Variants in SLC24A2 observed in about 807,000 individuals in gnomAD.
The protein encoded by SLC24A2 is solute carrier family 24 member 2.
In SLC24A2, 36 loss-of-function variants were observed where a neutral mutation model predicts 62.0. The observed-to-expected ratio is 0.58, with a 90% CI of 0.44 to 0.77. The LOEUF (loss-of-function observed/expected upper bound fraction) is 0.77, where lower values mean the gene tolerates loss of function less well. Among genes scored for constraint, SLC24A2 ranks in the 30% least tolerant of loss-of-function variants. SLC24A2 has a pLI of 0.00. For missense variants in SLC24A2, 846 were observed against 817.9 expected, an observed-to-expected ratio of 1.03 and a Z score of -0.42; for synonymous variants, 358 against 294.0, an observed-to-expected ratio of 1.22 and a Z score of -2.23.
the SLC24A2 span, among the ~76,000 whole-genome samples, chr9:19,966,967 A>G: frequency 6.6e-6 from 1 of 152,160 alleles, no homozygotes; most frequent in Non-Finnish European, 1.5e-5. Flanking sequence ...AATTTCTGAA[A>G]AATTCTAAGG....
intron 8 of SLC24A2, among the ~76,000 whole-genome samples, chr9:19,546,297 C>G (rs1194983567): frequency 6.6e-6 from 1 of 152,216 alleles, no homozygotes; most frequent in Admixed American, 6.5e-5. Flanking sequence ...TACAACCGCC[C>G]CTTCCGCCAG....
At chr9:20,243,382 A>T in the SLC24A2 span, among the ~76,000 whole-genome samples, 1 of 152,216 alleles carries the variant, frequency 6.6e-6, no homozygotes, top group African/African-American at 2.4e-5. Context: ...TTTATGAAAT[A>T]TTTGACACAT....
the SLC24A2 span, among the ~76,000 whole-genome samples, chr9:19,977,590 C>A: frequency 1.3e-5 from 2 of 152,142 alleles, no homozygotes; most frequent in Non-Finnish European, 2.9e-5. Flanking sequence ...TTGGGCGTGA[C>A]TTGCTGAATC....
intron 5 of SLC24A2, among the ~76,000 whole-genome samples, chr9:19,588,763 C>T (rs951423120): frequency 2.6e-5 from 4 of 152,076 alleles, no homozygotes; most frequent in Non-Finnish European, 5.9e-5. Flanking sequence ...GGATTCAAGA[C>T]GAGCCTGGTC....
chr9:19,815,959 CTTTTTTTTT>C, the SLC24A2 span, among the ~76,000 whole-genome samples: 549 of 103,458 alleles, frequency 5.3e-3, 3 homozygotes, highest in Middle Eastern at 0.036. Context: ...TTTTTTGCCC[CTTTTTTTTT>C]TTTTTTTTTT....
chr9:20,023,032 A>G, the SLC24A2 span, among the ~76,000 whole-genome samples: 1 of 152,194 alleles, frequency 6.6e-6, no homozygotes, highest in Non-Finnish European at 1.5e-5. Flanking sequence ...TAAATGCTTC[A>G]GTTACTAACA....
the SLC24A2 span, among the ~76,000 whole-genome samples, chr9:20,136,272 G>A: frequency 6.6e-5 from 10 of 152,272 alleles, no homozygotes; most frequent in African/African-American, 2.2e-4. Flanking sequence ...AAGTTTAAAA[G>A]TTGGGGAACA....
chr9:19,666,912 G>A (rs1407070973), intron 2 of SLC24A2, among the ~76,000 whole-genome samples: 1 of 152,098 alleles, frequency 6.6e-6, no homozygotes, highest in African/African-American at 2.4e-5. Context: ...TGCTATTTAT[G>A]TGTACATTAT....
chr9:19,971,080 T>C, the SLC24A2 span, among the ~76,000 whole-genome samples: 2 of 152,156 alleles, frequency 1.3e-5, no homozygotes, highest in Non-Finnish European at 1.5e-5. Flanking sequence ...CACTTATGGG[T>C]TTCCACTTGT....
At chr9:19,569,226 G>C (rs902453661) in intron 7 of SLC24A2, among the ~76,000 whole-genome samples, 1 of 152,156 alleles carries the variant, frequency 6.6e-6, no homozygotes, top group African/African-American at 2.4e-5. Flanking sequence ...CTTTAGAAAT[G>C]TAAAAACCCA....
the SLC24A2 span, among the ~76,000 whole-genome samples, chr9:19,930,483 C>T: frequency 1.3e-5 from 2 of 152,154 alleles, no homozygotes; most frequent in Non-Finnish European, 2.9e-5. Flanking sequence ...AACCACCTAA[C>T]CATGCATTTC....
chr9:20,010,719 C>A, the SLC24A2 span, among the ~76,000 whole-genome samples: 8 of 151,680 alleles, frequency 5.3e-5, no homozygotes, highest in African/African-American at 1.9e-4. Context: ...GTTAACTCGT[C>A]ATTTACATTA....
the SLC24A2 span, among the ~76,000 whole-genome samples, chr9:19,944,727 G>A: frequency 1.3e-5 from 2 of 150,442 alleles, no homozygotes; most frequent in African/African-American, 4.9e-5. Flanking sequence ...CCAGTATAAT[G>A]CGCATGCAGG....
In SLC24A2 at chr9:19,544,923, G is replaced by C. The variant is rs965335544; in HGVS notation, c.1479+5214C>G. On this transcript the variant is annotated intron_variant, in intron 8 of 10. Transcript: ENST00000341998. ...TGTGTCTTGGGGTTGCTCTTCTCAAGGAGTATCTTTGTGGTGTTCTCTGTA... is the reference window on the plus strand; with the variant it reads ...TGTGTCTTGGGGTTGCTCTTCTCAACGAGTATCTTTGTGGTGTTCTCTGTA... Among the ~76,000 whole-genome samples the C allele has an allele frequency of 2.6e-5, 4 of 152,164 alleles. 1 individual carries two copies. The South Asian group carries it at 8.3e-4, about 31-fold the overall frequency.
the SLC24A2 span, among the ~76,000 whole-genome samples, chr9:20,128,740 G>C: frequency 6.6e-6 from 1 of 151,998 alleles, no homozygotes; most frequent in Non-Finnish European, 1.5e-5. Context: ...ATGGTGCTTG[G>C]ACAATCAGAC....
At chr9:19,593,959 G>A (rs945913927) in intron 5 of SLC24A2, among the ~76,000 whole-genome samples, 2 of 152,084 alleles carry the variant, frequency 1.3e-5, no homozygotes, top group Admixed American at 6.6e-5. Context: ...TAAGCCCACA[G>A]CACTGCACCC....
At chr9:20,031,419 A>G in the SLC24A2 span, among the ~76,000 whole-genome samples, 1 of 148,478 alleles carries the variant, frequency 6.7e-6, no homozygotes, top group Admixed American at 6.7e-5. Flanking sequence ...GCATATGTGC[A>G]CACACACACT....
At chr9:19,815,447 TG>T in the SLC24A2 span, among the ~76,000 whole-genome samples, 1 of 152,164 alleles carries the variant, frequency 6.6e-6, no homozygotes, top group Admixed American at 6.6e-5. Flanking sequence ...CCTTCCTAAT[TG>T]TCAGCTCACT....
the SLC24A2 span, among the ~76,000 whole-genome samples, chr9:19,968,507 C>G: frequency 3.2e-4 from 49 of 152,298 alleles, no homozygotes; most frequent in African/African-American, 1.1e-3. Context: ...GGTCCACAGA[C>G]TCTAAGAAGT....
Sources: gnomAD v4.1 joint callset for allele counts (sites outside exome capture counted in the v4.1 genomes callset) on GRCh38, gnomAD v4.1.1 for gene constraint, MANE v1.5 for transcripts, NCBI Gene and HGNC (gene_info 2026-07-23, HGNC 2026-07-21) for gene names.